Variants in DPYD observed in about 807,000 individuals in gnomAD.
DPYD encodes the protein dihydropyrimidine dehydrogenase, also known as dihydropyrimidine dehydrogenase [NADP(+)].
A neutral mutation model predicts 116.2 loss-of-function variants in DPYD; 109 were observed. That is an observed-to-expected ratio of 0.94 (90% CI 0.80 to 1.10). DPYD has a LOEUF of 1.10. Ranked by LOEUF, DPYD falls within the 50% of genes least tolerant of loss-of-function variation. The pLI is 0.00. For missense variants in DPYD, 1,302 were observed against 1,254.5 expected, an observed-to-expected ratio of 1.04 and a Z score of -0.57; for synonymous variants, 440 against 432.0, an observed-to-expected ratio of 1.02 and a Z score of -0.23.
chr1:97,356,802 C>T (rs939731409), intron 16 of DPYD, among the ~76,000 whole-genome samples: 8 of 152,206 alleles, frequency 5.3e-5, no homozygotes, highest in African/African-American at 1.9e-4. Flanking sequence ...TTATACTTGG[C>T]ACCCTTGCTT....
In DPYD at chr1:97,175,756, T is replaced by C. The variant is rs151244522; in HGVS notation, c.2622+17313A>G. On this transcript the variant is annotated intron_variant, in intron 20 of 22. Coordinates refer to ENST00000370192, the MANE Select transcript of DPYD (RefSeq NM_000110.4). ...TACCTCTTAGTCCAAAAAATCATCCTTGAAGCTCATTAGAATCAAGTGCAT... is the reference window on the plus strand; with the variant it reads ...TACCTCTTAGTCCAAAAAATCATCCCTGAAGCTCATTAGAATCAAGTGCAT... Among the ~76,000 whole-genome samples the C allele has an allele frequency of 1.1e-3, 175 of 152,320 alleles. 1 individual carries two copies. Among genetic ancestry groups the C allele is most frequent in the Middle Eastern group, 6.8e-3 (2 of 294 alleles).
rs1341791849 is a variant in DPYD, at chr1:97,593,227, G to A, written c.1119C>T (p.Val373=). ...GATGGTTCCATTTTACCTCCTCAGG[G>A]ACAGCTCTTATATTAACAAAGCCTT... ...FRKGFVNIRA[V]PEEMELAKEE... is the part of the protein sequence containing the mutation. The change falls in exon 10 of 23, where the codon GTC becomes GTT. Residue 373 remains valine, a synonymous_variant. Transcript: ENST00000370192. 6.2e-7 allele frequency: 1 copy of A among 1,613,956 alleles called. No homozygotes were observed. Among genetic ancestry groups the A allele is most frequent in the Admixed American group, 1.7e-5 (1 of 60,004 alleles).
chr1:97,767,319 C>T (rs1411267033), intron 3 of DPYD, among the ~76,000 whole-genome samples: 1 of 152,000 alleles, frequency 6.6e-6, no homozygotes, highest in Admixed American at 6.6e-5. Flanking sequence ...ATTTTTTTAC[C>T]CTTCCCTGTA....
chr1:97,408,428 A>G (rs1330570461), intron 14 of DPYD, among the ~76,000 whole-genome samples: 1 of 152,152 alleles, frequency 6.6e-6, no homozygotes, highest in Non-Finnish European at 1.5e-5. Context: ...TGTAAGATTT[A>G]TTGACTTCAT....
chr1:97,525,978 A>AGAGTGT (rs1491342461), intron 12 of DPYD, among the ~76,000 whole-genome samples: 3 of 138,118 alleles, frequency 2.2e-5, no homozygotes, highest in Non-Finnish European at 4.6e-5. Context: ...GGTAATTAAG[A>AGAGTGT]GTGTGTGTGT....
chr1:97,422,668 G>A (rs1199031393), intron 14 of DPYD, among the ~76,000 whole-genome samples: 1 of 152,084 alleles, frequency 6.6e-6, no homozygotes, highest in East Asian at 1.9e-4. Flanking sequence ...TTCATTCCCT[G>A]AGCACCTACT....
At chr1:97,094,734 G>A (rs946973576) in intron 21 of DPYD, among the ~76,000 whole-genome samples, 11 of 152,130 alleles carry the variant, frequency 7.2e-5, no homozygotes, top group Admixed American at 6.6e-5. Context: ...CTCGGATGGA[G>A]AATAGTTGAG....
chr1:97,162,239 T>A (rs995748595), intron 20 of DPYD, among the ~76,000 whole-genome samples: 3 of 152,130 alleles, frequency 2.0e-5, no homozygotes, highest in Admixed American at 2.0e-4. Context: ...ACCTGTTGTT[T>A]ACTGACTTTT....
At chr1:97,407,085 A>C (rs1673699827) in intron 14 of DPYD, among the ~76,000 whole-genome samples, 2 of 152,206 alleles carry the variant, frequency 1.3e-5, no homozygotes, top group Admixed American at 1.3e-4. Context: ...AGAGGCTTTA[A>C]CAAATATTCA....
At chr1:97,106,592 G>A (rs994487005) in intron 20 of DPYD, among the ~76,000 whole-genome samples, 6 of 152,024 alleles carry the variant, frequency 3.9e-5, no homozygotes, top group African/African-American at 7.2e-5. Flanking sequence ...TATAGCACTC[G>A]CCCAGCCATC....
intron 8 of DPYD, among the ~76,000 whole-genome samples, chr1:97,602,175 T>C (rs553420883): frequency 6.6e-6 from 1 of 152,006 alleles, no homozygotes; most frequent in Non-Finnish European, 1.5e-5. Context: ...TGATACATGC[T>C]GAATTTCTCT....
At chr1:97,827,116 C>T (rs1420381334) in intron 3 of DPYD, among the ~76,000 whole-genome samples, 2 of 152,024 alleles carry the variant, frequency 1.3e-5, no homozygotes, top group Non-Finnish European at 2.9e-5. Context: ...ATGAGAGCAG[C>T]TTCTAAACTA....
intron 5 of DPYD, chr1:97,720,197 C>T (rs974573740): frequency 3.0e-6 from 3 of 985,236 alleles, no homozygotes; most frequent in South Asian, 4.7e-5. Flanking sequence ...CAAACACACA[C>T]ACCTCTCATG....
chr1:97,549,942 A>T (rs542744414), intron 11 of DPYD, among the ~76,000 whole-genome samples, 198 bp from the exon 12 acceptor site: 1 of 152,346 alleles, frequency 6.6e-6, no homozygotes, highest in African/African-American at 2.4e-5. Flanking sequence ...ACTTAACTTT[A>T]CACCTCACAT....
chr1:97,143,770 A>G (rs828053), intron 20 of DPYD, among the ~76,000 whole-genome samples: 27,039 of 152,096 alleles, frequency 0.18, 2,450 homozygotes, highest in East Asian at 0.29. Flanking sequence ...ACAAAAAAGC[A>G]TTTTGAAAAT....
chr1:97,189,852 G>A (rs957599378), intron 20 of DPYD, among the ~76,000 whole-genome samples: 16 of 152,088 alleles, frequency 1.1e-4, no homozygotes, highest in East Asian at 7.7e-4. Flanking sequence ...AATCAAACAC[G>A]TTAATCTGAT....
intron 1 of DPYD, among the ~76,000 whole-genome samples, chr1:97,888,911 A>G (rs531462569): frequency 5.3e-5 from 8 of 152,230 alleles, no homozygotes; most frequent in Admixed American, 2.6e-4. Context: ...TAATCCCAAC[A>G]CTTTGGGAGT....
chr1:97,831,881 A>G (rs1200889970), intron 2 of DPYD, among the ~76,000 whole-genome samples: 1 of 152,118 alleles, frequency 6.6e-6, no homozygotes, highest in Non-Finnish European at 1.5e-5. Context: ...GGGAATACAC[A>G]GGAAAAATGG....
chr1:97,812,543 A>C (rs183769509), intron 3 of DPYD, among the ~76,000 whole-genome samples: 1 of 152,216 alleles, frequency 6.6e-6, no homozygotes, highest in African/African-American at 2.4e-5. Context: ...GTAACACAAT[A>C]ATCTAGATTT....
Sources: allele counts gnomAD v4.1 joint callset (sites outside exome capture counted in the v4.1 genomes callset), GRCh38; gene constraint gnomAD v4.1.1; transcripts MANE v1.5; gene names NCBI Gene and HGNC (gene_info 2026-07-23, HGNC 2026-07-21).